Variants in CLEC16A observed in about 807,000 individuals in gnomAD.
CLEC16A encodes the protein protein CLEC16A.
Under a neutral mutation model 109.5 loss-of-function variants are expected in CLEC16A, and 51 were observed. The ratio of observed to expected loss-of-function variants is 0.47; its 90% CI spans 0.37 to 0.59. The LOEUF is 0.59. CLEC16A is among the 20% of genes least tolerant of loss of function. CLEC16A has a pLI of 0.00. For missense variants in CLEC16A, 1,339 were observed against 1,394.0 expected (o/e 0.96, Z 0.63); for synonymous variants, 673 against 564.2 (o/e 1.19, Z -2.73).
chr16:11,155,158 T>C (rs2054459172), intron 22 of CLEC16A, among the ~76,000 whole-genome samples: 1 of 152,206 alleles, frequency 6.6e-6, no homozygotes, highest in African/African-American at 2.4e-5. Flanking sequence ...AGTTATTGCC[T>C]CATTGGGCCC....
chr16:10,994,936 T>C (rs955717332), intron 10 of CLEC16A, among the ~76,000 whole-genome samples: 1 of 152,224 alleles, frequency 6.6e-6, no homozygotes, highest in Non-Finnish European at 1.5e-5. Flanking sequence ...GTTTGAGCCA[T>C]GTGGCAGGAA....
At position 11,178,657 on chromosome 16, in the gene CLEC16A, A is replaced by T. The variant is rs755332838; in HGVS notation, c.3129A>T (p.Ala1043=). The part of the protein sequence containing the change: ...ACTEPVGEEA[A]CAEPVGTAED The stretch of plus-strand genomic sequence containing the variant: ...CAGAGCCCGTGGGCGAAGAGGCTGC[A>T]TGTGCTGAGCCTGTGGGCACCGCTG... The change falls in exon 24 of 24, where the codon GCA becomes GCT. Residue 1043 remains alanine, a synonymous_variant. Transcript: ENST00000409790. The surrounding 1 kb of genome is among the most constrained non-coding windows in gnomAD (Gnocchi z 6.5). 1 of 1,554,366 alleles carries T rather than the reference A, an allele frequency of 6.4e-7. No individual in the cohort carries two copies.
chr16:10,982,800 T>C, intron 9 of CLEC16A, 78 bp from the exon 10 acceptor site: 1 of 799,734 alleles, frequency 1.3e-6, no homozygotes, highest in Admixed American at 2.1e-5. Context: ...CCCAGCCTGG[T>C]CGCTTCTGAT....
chr16:11,145,626 G>A (rs1248489944), intron 22 of CLEC16A, among the ~76,000 whole-genome samples: 1 of 152,256 alleles, frequency 6.6e-6, no homozygotes, highest in South Asian at 2.1e-4. Flanking sequence ...TAGAGCATAC[G>A]TTACCAAGTG....
chr16:11,173,895 A>G (rs2068631137), intron 23 of CLEC16A, among the ~76,000 whole-genome samples: 1 of 152,152 alleles, frequency 6.6e-6, no homozygotes, highest in Admixed American at 6.5e-5. Context: ...TAACCCGGTT[A>G]AGTTGCACGA....
At chr16:11,115,668 C>G (rs528367993) in intron 19 of CLEC16A, among the ~76,000 whole-genome samples, 5 of 152,224 alleles carry the variant, frequency 3.3e-5, no homozygotes, top group Non-Finnish European at 2.9e-5. Flanking sequence ...CCACCACGCC[C>G]GGCCTGTTTT....
chr16:10,953,678 A>G (rs1008565319), intron 1 of CLEC16A, among the ~76,000 whole-genome samples: 1 of 152,202 alleles, frequency 6.6e-6, no homozygotes, highest in Non-Finnish European at 1.5e-5. Context: ...CACACAGCCT[A>G]ATTTTAAAAA....
intron 22 of CLEC16A, among the ~76,000 whole-genome samples, chr16:11,155,706 C>T (rs1487586056): frequency 6.6e-6 from 1 of 152,208 alleles, no homozygotes; most frequent in South Asian, 2.1e-4. Context: ...CATCAGCCAT[C>T]GGTCTGGCCT....
intron 22 of CLEC16A, among the ~76,000 whole-genome samples, chr16:11,132,519 T>C (rs1449039792): frequency 1.3e-5 from 2 of 152,194 alleles, no homozygotes; most frequent in Non-Finnish European, 2.9e-5. Flanking sequence ...GCTGCGAACA[T>C]TCGTGCACAA....
chr16:10,984,518 G>C (rs1409751375), intron 10 of CLEC16A, among the ~76,000 whole-genome samples: 1 of 152,202 alleles, frequency 6.6e-6, no homozygotes, highest in East Asian at 1.9e-4. Context: ...AGGTGGACAT[G>C]GATCAGATAT....
chr16:10,950,410 C>T (rs2041665973), intron 1 of CLEC16A, among the ~76,000 whole-genome samples: 1 of 152,212 alleles, frequency 6.6e-6, no homozygotes, highest in South Asian at 2.1e-4. Context: ...TGCTTGTTCT[C>T]CCCAGTTTAG....
At chr16:11,166,166 G>C (rs1597615367) in intron 22 of CLEC16A, among the ~76,000 whole-genome samples, 2 of 152,356 alleles carry the variant, frequency 1.3e-5, no homozygotes, top group South Asian at 2.1e-4. Context: ...TCTGTGGCTG[G>C]TTGTACTCTG....
At position 11,152,290 on chromosome 16, in the gene CLEC16A, C is replaced by T. The variant is rs940566969; in HGVS notation, c.2642-14098C>T. Among the ~76,000 whole-genome samples the T allele has an allele frequency of 9.8e-5, 15 of 152,344 alleles. No individual in the cohort carries two copies. In the South Asian group the frequency reaches 1.0e-3, roughly 11 times the overall value. On this transcript the variant is annotated intron_variant, in intron 22 of 23. Coordinates refer to ENST00000409790, the MANE Select transcript of CLEC16A (RefSeq NM_015226.3). ...GAAAAACGAGTGCTCATAACCAGCT[C>T]ATGCTGCTAGCACACCCACAAGATC...
In CLEC16A at chr16:10,944,696, G is replaced by C; in HGVS notation, c.-22G>C. On this transcript the variant is annotated 5_prime_UTR_variant, in exon 1 of 24. Coordinates refer to ENST00000409790, the MANE Select transcript of CLEC16A (RefSeq NM_015226.3). ...GGTCCGGCATGAGACCGTGAGACGA[G>C]AGACGGGTCGGGGCCGCCGACATGT... 6.3e-7 allele frequency: 1 copy of C among 1,595,372 alleles called. No individual in the cohort carries two copies. The highest frequency in any genetic ancestry group is 1.3e-5 in the African/African-American group (1 of 74,780).
rs557482617 is a variant in CLEC16A at position 10,997,608 on chromosome 16, G to A, written c.1072-5466G>A. Among the ~76,000 whole-genome samples the A allele has an allele frequency of 2.2e-4, 33 of 152,282 alleles. 1 individual carries two copies. The highest frequency in any genetic ancestry group is 7.5e-4 in the African/African-American group (31 of 41,550). ...AAGATGTTCTTTACGTGTAAATAGT[G>A]CTGGTAATAAAAGTTTCTAGTGCTG... On this transcript the variant is annotated intron_variant, in intron 10 of 23. Coordinates refer to ENST00000409790, the MANE Select transcript of CLEC16A (RefSeq NM_015226.3).
At chr16:10,994,488 T>G (rs2044216543) in intron 10 of CLEC16A, among the ~76,000 whole-genome samples, 1 of 152,212 alleles carries the variant, frequency 6.6e-6, no homozygotes, top group African/African-American at 2.4e-5. Flanking sequence ...CCAAGCCATG[T>G]GCTACAGTGC....
In CLEC16A at chr16:11,061,869, C is replaced by T. The variant is rs537367271; in HGVS notation, c.2116+847C>T. Among the ~76,000 whole-genome samples, 3 of 152,284 alleles carry T rather than the reference C, an allele frequency of 2.0e-5. No homozygotes were observed. The South Asian group carries it at 6.2e-4, about 32-fold the overall frequency. On this transcript the variant is annotated intron_variant, in intron 19 of 23. Transcript: ENST00000409790. Reference sequence around the variant, plus strand: ...CTGTCATCAGGAAGCTGCCTTCCTCCGTCTCCCAACTCTGCTTTCCTCTGT... The same window carrying T: ...CTGTCATCAGGAAGCTGCCTTCCTCTGTCTCCCAACTCTGCTTTCCTCTGT...
chr16:11,028,168 C>T (rs113577880), intron 13 of CLEC16A, among the ~76,000 whole-genome samples: 1 of 152,216 alleles, frequency 6.6e-6, no homozygotes, highest in Admixed American at 6.5e-5. Context: ...CCATTGCACT[C>T]CAGCCTGGGC....
At chr16:11,083,084 T>C (rs1056439785) in intron 19 of CLEC16A, among the ~76,000 whole-genome samples, 3 of 152,246 alleles carry the variant, frequency 2.0e-5, no homozygotes, top group Non-Finnish European at 4.4e-5. Flanking sequence ...TAGTAAGAGC[T>C]GCCCCTCATC....
Sources: gnomAD v4.1 joint callset for allele counts (sites outside exome capture counted in the v4.1 genomes callset) on GRCh38, gnomAD v4.1.1 for gene constraint, Gnocchi (gnomAD v3.1) non-coding constraint, MANE v1.5 for transcripts, NCBI Gene and HGNC (gene_info 2026-07-23, HGNC 2026-07-21) for gene names.